Variants in AMOTL1 observed in about 807,000 individuals in gnomAD.
AMOTL1 encodes angiomotin like 1, also known as angiomotin-like protein 1.
A neutral mutation model predicts 102.9 loss-of-function variants in AMOTL1; 45 were observed. The observed-to-expected ratio is 0.44, with a 90% CI of 0.34 to 0.56. The LOEUF (loss-of-function observed/expected upper bound fraction) is 0.56. Ranked by LOEUF, AMOTL1 falls within the 20% of genes least tolerant of loss-of-function variation. AMOTL1 has a pLI of 0.01. For synonymous variants in AMOTL1, 481 were observed against 484.7 expected (o/e 0.99, Z 0.10); for missense variants, 1,114 against 1,225.6 (o/e 0.91, Z 1.36).
At chr11:94,786,251 A>G (rs1951186710) in intron 1 of AMOTL1, among the ~76,000 whole-genome samples, 1 of 152,248 alleles carries the variant, frequency 6.6e-6, no homozygotes, top group Non-Finnish European at 1.5e-5. Flanking sequence ...ATTTTATGTT[A>G]AAGGCTAAAT....
chr11:94,790,956 T>G (rs549299439), intron 1 of AMOTL1, among the ~76,000 whole-genome samples: 20 of 152,312 alleles, frequency 1.3e-4, no homozygotes, highest in Non-Finnish European at 1.0e-4. Flanking sequence ...TTCACCTTAA[T>G]TCATTTTTTT....
chr11:94,838,796 T>C (rs1952235110), intron 6 of AMOTL1, among the ~76,000 whole-genome samples: 1 of 152,222 alleles, frequency 6.6e-6, no homozygotes, highest in South Asian at 2.1e-4. Flanking sequence ...ATTATTATCA[T>C]TTTAGAAAAA....
rs116378287 is a variant in AMOTL1 at position 94,860,283 on chromosome 11, A to G, written c.2135+568A>G. On this transcript the variant is annotated intron_variant, in intron 9 of 12. Transcript: ENST00000433060. ...TAGAGAGGTACAGTGGTTGATTCCT[A>G]ATCACAATGGTAGTGAGTGATGGGG... Among the ~76,000 whole-genome samples the G allele has an allele frequency of 7.8e-3, 1,181 of 152,304 alleles. 17 individuals carry two copies. The highest frequency in any genetic ancestry group is 0.027 in the African/African-American group (1,115 of 41,570).
intron 3 of AMOTL1, among the ~76,000 whole-genome samples, chr11:94,755,850 G>C (rs562050766): frequency 2.0e-5 from 3 of 152,198 alleles, no homozygotes; most frequent in African/African-American, 4.8e-5. Context: ...CAGGCCGCTT[G>C]TGTTCATCAG....
In AMOTL1 at chr11:94,859,588, G is replaced by C; in HGVS notation, c.2008G>C (p.Val670Leu). 2 of 1,613,938 alleles carry C rather than the reference G, an allele frequency of 1.2e-6. No individual in the cohort carries two copies. Among genetic ancestry groups the C allele is most frequent in the Admixed American group, 3.3e-5 (2 of 60,016 alleles). The change falls in exon 9 of 13, where the codon GTG (valine) becomes CTG (leucine). Residue 670 changes from valine to leucine, a missense_variant. Transcript: ENST00000433060. ...EYNAPALLELVREKEERILAL... is the reference protein window; with the variant it reads ...EYNAPALLELLREKEERILAL... ...CAATGCCCCAGCCCTCCTGGAACTTGTGCGGGAGAAGGAGGAGCGGATCCT... is the reference window on the plus strand; with the variant it reads ...CAATGCCCCAGCCCTCCTGGAACTTCTGCGGGAGAAGGAGGAGCGGATCCT...
chr11:94,830,292 G>T, intron 5 of AMOTL1, 98 bp downstream of exon 5: 4 of 1,129,270 alleles, frequency 3.5e-6, no homozygotes, highest in Non-Finnish European at 4.9e-6. Flanking sequence ...CACAGGTACT[G>T]GTCTACCTGT....
intron 6 of AMOTL1, among the ~76,000 whole-genome samples, chr11:94,836,180 A>G (rs765743968): frequency 6.6e-6 from 1 of 152,210 alleles, no homozygotes; most frequent in Non-Finnish European, 1.5e-5. Flanking sequence ...GTTGACCCAC[A>G]TAGAGCATAA....
chr11:94,795,845 A>C (rs1362820774), intron 2 of AMOTL1, among the ~76,000 whole-genome samples: 1 of 152,178 alleles, frequency 6.6e-6, no homozygotes, highest in Non-Finnish European at 1.5e-5. Context: ...AATGTTTTAA[A>C]ATTTTTTTAT....
rs77529147 is a variant in AMOTL1 at position 94,729,617 on chromosome 11, G to A, written c.85+562G>A. Among the ~76,000 whole-genome samples, 44 of 152,256 alleles carry A rather than the reference G, an allele frequency of 2.9e-4. 2 individuals are homozygous for A. In the East Asian group the frequency reaches 8.5e-3, roughly 29 times the overall value. On this transcript the variant is annotated intron_variant, in intron 2 of 4. Coordinates refer to the AMOTL1 transcript ENST00000299004. The stretch of plus-strand genomic sequence containing the variant: ...TATAAGAACCATACCCTGACACAGA[G>A]CTGTGGTCCTCTGTCAGGTCTAAGA...
chr11:94,855,988 G>A (rs1468473090), intron 8 of AMOTL1, among the ~76,000 whole-genome samples: 1 of 152,214 alleles, frequency 6.6e-6, no homozygotes, highest in Non-Finnish European at 1.5e-5. Flanking sequence ...GCTGACATGA[G>A]ACCGAAGAGG....
At chr11:94,713,303 C>T (rs1413333538) in intron 1 of AMOTL1, among the ~76,000 whole-genome samples, 1 of 151,874 alleles carries the variant, frequency 6.6e-6, no homozygotes, top group African/African-American at 2.4e-5. Flanking sequence ...AAGCAATACA[C>T]TAGGTAGAGT....
intron 1 of AMOTL1, chr11:94,728,868 G>C: frequency 1.2e-6 from 1 of 825,334 alleles, no homozygotes. Context: ...TCTTCACAAA[G>C]AGAACATCAG....
At chr11:94,814,364 C>T (rs1951730675) in intron 3 of AMOTL1, among the ~76,000 whole-genome samples, 1 of 152,204 alleles carries the variant, frequency 6.6e-6, no homozygotes, top group East Asian at 1.9e-4. Context: ...TCACAAATAA[C>T]TCAGTTACGC....
chr11:94,781,957 AG>A (rs1951121647), intron 1 of AMOTL1, among the ~76,000 whole-genome samples: 1 of 152,258 alleles, frequency 6.6e-6, no homozygotes, highest in Admixed American at 6.5e-5. Flanking sequence ...ATAACAAAAA[AG>A]CTCATTTCCA....
chr11:94,823,982 G>A (rs956130296), intron 4 of AMOTL1, among the ~76,000 whole-genome samples: 1 of 152,054 alleles, frequency 6.6e-6, no homozygotes, highest in Non-Finnish European at 1.5e-5. Flanking sequence ...GCCTCCCAAA[G>A]TGCTAGGATT....
intron 2 of AMOTL1, among the ~76,000 whole-genome samples, chr11:94,796,009 A>T (rs1046615877): frequency 4.6e-5 from 7 of 152,178 alleles, no homozygotes; most frequent in African/African-American, 1.7e-4. Flanking sequence ...GACCAGTCCA[A>T]CCCACATTGA....
At chr11:94,758,223 G>A (rs1278306155) in intron 3 of AMOTL1, among the ~76,000 whole-genome samples, 4 of 152,210 alleles carry the variant, frequency 2.6e-5, no homozygotes, top group African/African-American at 9.7e-5. Context: ...AGTGCCTAAT[G>A]TCTGGAGAGC....
At chr11:94,771,262 G>GA (rs71793760) in intron 1 of AMOTL1, among the ~76,000 whole-genome samples, 1 of 146,536 alleles carries the variant, frequency 6.8e-6, no homozygotes, top group Non-Finnish European at 1.5e-5. Flanking sequence ...GCGGGGTTGG[G>GA]GGGGGGGTGC....
Position 94,870,708 on chromosome 11 carries a change from G to A in AMOTL1, c.2784G>A (p.Gly928=). The change falls in exon 13 of 13, where the codon GGG becomes GGA. Residue 928 remains glycine (G), a synonymous_variant. Transcript: ENST00000433060. ...TGGCAGAGAACTCTCCTGGCCATGG[G>A]AAGTCGCCTGACCACAGAGGCCGGG... ...AEKLENSPGH[G]KSPDHRGRVS... 1.2e-6 allele frequency: 2 copies of A among 1,601,384 alleles called. No individual in the cohort carries two copies. Among genetic ancestry groups the A allele is most frequent in the East Asian group, 2.2e-5 (1 of 44,642 alleles).
Sources: gnomAD v4.1 joint callset for allele counts (sites outside exome capture counted in the v4.1 genomes callset) on GRCh38, gnomAD v4.1.1 for gene constraint, MANE v1.5 for transcripts, NCBI Gene and HGNC (gene_info 2026-07-23, HGNC 2026-07-21) for gene names.